EPHA10: variants seen among roughly 807,000 people sequenced by gnomAD.
EPHA10 encodes the protein ephrin type-A receptor 10.
EPHA10 carries 120 observed loss-of-function variants against 109.7 expected under a neutral mutation model. The ratio of observed to expected loss-of-function variants is 1.09; its 90% confidence interval spans 0.94 to 1.27. The LOEUF (loss-of-function observed/expected upper bound fraction) is 1.27, where lower values mean the gene tolerates loss of function less well. Among genes scored for constraint, EPHA10 ranks in the 50% most tolerant of loss-of-function variants. The pLI, the probability that EPHA10 is intolerant of heterozygous loss-of-function variation, is 0.00. For missense variants in EPHA10, 1,396 were observed against 1,411.1 expected, an observed-to-expected ratio of 0.99 and a Z score of 0.17; for synonymous variants, 640 against 618.9, an observed-to-expected ratio of 1.03 and a Z score of -0.51.
At position 37,718,067 on chromosome 1, in the gene EPHA10, C is replaced by A; in HGVS notation, c.*305G>T. On this transcript the variant is annotated 3_prime_UTR_variant, in exon 17 of 17. Transcript: ENST00000373048. Reference sequence around the variant, plus strand: ...AGGGCAATCTCAACCCACTGTCTTCCCTCCCATCCCTGCCCCAGCTTTTCT... The same window carrying A: ...AGGGCAATCTCAACCCACTGTCTTCACTCCCATCCCTGCCCCAGCTTTTCT... 1 of 423,048 alleles carries A rather than the reference C, an allele frequency of 2.4e-6. No homozygotes were observed. The highest frequency in any genetic ancestry group is 4.2e-6 in the Non-Finnish European group (1 of 237,472). The allele number at this position is 423,048 out of a possible 1,614,324, so 26.2% of individuals were successfully genotyped here.
intron 5 of EPHA10, among the ~76,000 whole-genome samples, chr1:37,744,137 T>C (rs930660944): frequency 6.6e-6 from 1 of 152,168 alleles, no homozygotes; most frequent in Non-Finnish European, 1.5e-5. Context: ...ATGTTAACCT[T>C]GGACTAAGCA....
rs1473922262 is a variant in EPHA10, at chr1:37,753,114, G to A, written c.1119C>T (p.Tyr373=). 1 of 1,396,054 alleles carries A rather than the reference G, an allele frequency of 7.2e-7. No homozygotes were observed. 86.5% of individuals were successfully genotyped at this position (1,396,054 alleles called of 1,614,324 possible). ...GGCCGCAGCGCAGGCACAGCAGCGA[G>A]TAGGTGACGTCCGAGCGGCCTCCCG... is the stretch of plus-strand genomic sequence containing the variant. ...ADSGGRSDVT[Y]SLLCLRCGRE... The change falls in exon 5 of 17, where the codon TAC becomes TAT. Residue 373 remains tyrosine, a synonymous_variant. Coordinates refer to ENST00000373048, the MANE Select transcript of EPHA10 (RefSeq NM_001099439.2).
intron 5 of EPHA10, chr1:37,737,932 C>A (rs1003475350): frequency 1.6e-5 from 1 of 61,458 alleles, no homozygotes; most frequent in Non-Finnish European, 3.0e-5. Flanking sequence ...TAACTGTAGG[C>A]TTTTTTTTTT....
chr1:37,762,050 G>C lies in EPHA10; in HGVS notation c.205C>G (p.Arg69Gly). Residue 69 changes from arginine (R) to glycine (G), a missense_variant, in exon 3 of 17, where the codon CGT becomes GGT. Coordinates refer to ENST00000373048, the MANE Select transcript of EPHA10 (RefSeq NM_001099439.2). ...CACACTTGGTACGTGCGGATGGGAC[G>C]GTCGTGTTCATCCACGCCGCTGATC... ...EEISGVDEHD[R>G]PIRTYQVCNV... The C allele has an allele frequency of 1.2e-6, 2 of 1,603,588 alleles. No homozygotes were observed. Among genetic ancestry groups the C allele is most frequent in the Non-Finnish European group, 1.7e-6 (2 of 1,173,636 alleles).
intron 3 of EPHA10, 148 bp downstream of exon 3, chr1:37,761,257 A>G (rs115328945): frequency 3.1e-5 from 46 of 1,503,192 alleles, no homozygotes; most frequent in Non-Finnish European, 3.7e-5. Context: ...ACTCCACAAG[A>G]CTTCAGGGCT....
Position 37,754,982 on chromosome 1 carries a change from T to A in EPHA10, c.851-612A>T, listed in dbSNP as rs1646381391. Among the ~76,000 whole-genome samples the A allele has an allele frequency of 6.6e-6, 1 of 152,014 alleles. No homozygotes were observed. The highest frequency in any genetic ancestry group is 2.4e-5 in the African/African-American group (1 of 41,370). ...CCAGTTACTTTTTTTGTATTTTTAG[T>A]AGAGATGGAGTTTCACCATGCTGAC... On this transcript the variant is annotated intron_variant, in intron 3 of 16. Transcript: ENST00000373048. This position sits in a 1 kb window ranked among gnomAD's most constrained non-coding sequence, Gnocchi z 4.5.
chr1:37,747,570 A>AAC (rs60068272), intron 5 of EPHA10, among the ~76,000 whole-genome samples: 2 of 144,748 alleles, frequency 1.4e-5, no homozygotes, highest in Non-Finnish European at 3.0e-5. Flanking sequence ...AAAAAAAAAA[A>AAC]CTTCAGGAAA....
chr1:37,736,660 A>G (rs1646077668), intron 5 of EPHA10, among the ~76,000 whole-genome samples: 1 of 152,056 alleles, frequency 6.6e-6, no homozygotes, highest in Non-Finnish European at 1.5e-5. Context: ...GTGAGCCGAG[A>G]TCGCGCCACT....
chr1:37,735,454 G>T, intron 5 of EPHA10, 64 bp from the exon 6 acceptor site: 2 of 1,525,830 alleles, frequency 1.3e-6, no homozygotes, highest in Non-Finnish European at 1.8e-6. Context: ...GGGGGTGCGG[G>T]GAAGAGGGTG....
intron 2 of EPHA10, 69 bp downstream of exon 2, chr1:37,762,716 G>T (rs1457986117): frequency 7.2e-7 from 1 of 1,388,664 alleles, no homozygotes. Flanking sequence ...TAAACATGAG[G>T]AGCTGAGGAG....
intron 1 of EPHA10, among the ~76,000 whole-genome samples, chr1:37,763,824 G>A (rs767078607): frequency 1.0e-3 from 157 of 152,300 alleles, no homozygotes; most frequent in Non-Finnish European, 1.7e-3. Flanking sequence ...AGAAAACAAT[G>A]TGGAGAGATA....
chr1:37,747,329 T>C (rs1646255142), intron 5 of EPHA10, among the ~76,000 whole-genome samples: 1 of 152,136 alleles, frequency 6.6e-6, no homozygotes, highest in Non-Finnish European at 1.5e-5. Context: ...GGCAGGTAGA[T>C]TGCTTGAGTC....
chr1:37,720,597 C>T (rs1645776236), intron 12 of EPHA10, 43 bp from the exon 13 acceptor site: 4 of 1,576,084 alleles, frequency 2.5e-6, no homozygotes, highest in Admixed American at 1.8e-5. Context: ...GCGCTTGGAT[C>T]CCCTGGTGTT....
intron 15 of EPHA10, chr1:37,719,138 T>C (rs565185635): frequency 1.7e-6 from 1 of 593,410 alleles, no homozygotes; most frequent in Admixed American, 3.0e-5. Flanking sequence ...TCATTGGAAC[T>C]ACAAATGTGT....
chr1:37,750,366 A>G (rs1451232551), intron 5 of EPHA10, among the ~76,000 whole-genome samples: 3 of 152,214 alleles, frequency 2.0e-5, no homozygotes, highest in Non-Finnish European at 4.4e-5. Context: ...GTTAAATCAC[A>G]ATAGAGACAA....
intron 5 of EPHA10, among the ~76,000 whole-genome samples, chr1:37,739,216 T>C (rs906137266): frequency 1.3e-5 from 2 of 152,102 alleles, no homozygotes; most frequent in Non-Finnish European, 2.9e-5. Flanking sequence ...AACAGGATAT[T>C]AGTCCTTAAA....
At chr1:37,734,701 T>C (rs894119342) in intron 6 of EPHA10, 15 of 451,280 alleles carry the variant, frequency 3.3e-5, no homozygotes, top group African/African-American at 2.8e-4. Flanking sequence ...TGGGGATCAA[T>C]TGGCCATATG....
intron 2 of EPHA10, 89 bp downstream of exon 2, chr1:37,762,696 T>C (rs1331455237): frequency 8.2e-7 from 1 of 1,224,454 alleles, no homozygotes; most frequent in African/African-American, 1.6e-5. Context: ...AGGAGCACTT[T>C]TGTCTGATGT....
intron 5 of EPHA10, among the ~76,000 whole-genome samples, chr1:37,750,575 TA>T (rs1308518860): frequency 2.0e-5 from 3 of 151,554 alleles, no homozygotes; most frequent in Non-Finnish European, 4.4e-5. Context: ...AGTGGCTGAA[TA>T]AAACTTTTTT....
Sources: gnomAD v4.1 joint callset for allele counts (sites outside exome capture counted in the v4.1 genomes callset) on GRCh38, gnomAD v4.1.1 for gene constraint, Gnocchi (gnomAD v3.1) non-coding constraint, MANE v1.5 for transcripts, NCBI Gene and HGNC (gene_info 2026-07-23, HGNC 2026-07-21) for gene names.